Variants in SLC10A1 observed in about 807,000 individuals in gnomAD.
The protein encoded by SLC10A1 is solute carrier family 10 member 1.
Under a neutral mutation model 20.5 loss-of-function variants are expected in SLC10A1, and 36 were observed. The ratio of observed to expected loss-of-function variants is 1.75; its 90% CI spans 1.34 to 2.32. SLC10A1 has a LOEUF of 2.32. SLC10A1 is among the 30% of genes most tolerant of loss of function. The pLI, the probability that SLC10A1 is intolerant of heterozygous loss-of-function variation, is 0.00. For synonymous variants in SLC10A1, 188 were observed against 163.6 expected (o/e 1.15, Z -1.14); for missense variants, 545 against 439.1 (o/e 1.24, Z -2.16).
intron 2 of SLC10A1, among the ~76,000 whole-genome samples, chr14:69,784,885 G>C (rs1883675728): frequency 6.6e-6 from 1 of 152,134 alleles, no homozygotes. Flanking sequence ...GCGGGAAGGG[G>C]AGCTGTGGCC....
chr14:69,777,459 G>A (rs898912086), intron 4 of SLC10A1, among the ~76,000 whole-genome samples: 12 of 152,050 alleles, frequency 7.9e-5, no homozygotes, highest in Admixed American at 1.3e-4. Flanking sequence ...AGGTTTTGAA[G>A]GGGACTTCAA....
chr14:69,783,193 G>A (rs111775517), intron 2 of SLC10A1, among the ~76,000 whole-genome samples: 1 of 152,288 alleles, frequency 6.6e-6, no homozygotes, highest in African/African-American at 2.4e-5. Flanking sequence ...CAGCAGACAG[G>A]ACTTGCCCTT....
intron 2 of SLC10A1, among the ~76,000 whole-genome samples, chr14:69,781,368 A>G (rs1360059609): frequency 6.6e-6 from 1 of 152,234 alleles, no homozygotes; most frequent in South Asian, 2.1e-4. Flanking sequence ...ATGAGTGCTC[A>G]TTCATGGGCA....
chr14:69,776,653 A>G (rs1883455423), intron 4 of SLC10A1, among the ~76,000 whole-genome samples: 1 of 152,208 alleles, frequency 6.6e-6, no homozygotes, highest in Admixed American at 6.5e-5. Context: ...TTCGTTATAC[A>G]GTAAAACAAC....
At chr14:69,792,079 G>A (rs1882285392) in intron 1 of SLC10A1, among the ~76,000 whole-genome samples, 1 of 151,894 alleles carries the variant, frequency 6.6e-6, no homozygotes, top group South Asian at 2.1e-4. Flanking sequence ...AGCCTCCTGA[G>A]TAGCTGGGAT....
At chr14:69,780,788 T>A (rs1050173516) in intron 2 of SLC10A1, among the ~76,000 whole-genome samples, 22 of 152,234 alleles carry the variant, frequency 1.4e-4, no homozygotes, top group African/African-American at 5.1e-4. Flanking sequence ...AATGAACTTC[T>A]CAGTTTACCT....
At chr14:69,776,532 A>G (rs941571854) in intron 4 of SLC10A1, 144 bp from the exon 5 acceptor site, 14 of 647,256 alleles carry the variant, frequency 2.2e-5, no homozygotes, top group Non-Finnish European at 3.7e-5. Context: ...CGTCTCTCCC[A>G]TGGTTTACTC....
In SLC10A1 at chr14:69,775,648, A is replaced by G. The variant is rs1376430622; in HGVS notation, c.*634T>C. The G allele has an allele frequency of 6.6e-6, 1 of 152,174 alleles. No homozygotes were observed. Among genetic ancestry groups the G allele is most frequent in the African/African-American group, 2.4e-5 (1 of 41,438 alleles). The allele number at this position is 152,174 out of a possible 1,614,324, so 9.4% of individuals were successfully genotyped here. ...TTTGTTTCCTGGTTTTTCCTTGTCAAAAGTTTTCCTCCTCTACTAACATGA... is the reference window on the plus strand; with the variant it reads ...TTTGTTTCCTGGTTTTTCCTTGTCAGAAGTTTTCCTCCTCTACTAACATGA... On this transcript the variant is annotated 3_prime_UTR_variant, in exon 5 of 5. Coordinates refer to ENST00000216540, the MANE Select transcript of SLC10A1 (RefSeq NM_003049.4).
At chr14:69,784,248 A>G (rs1264086821) in intron 2 of SLC10A1, among the ~76,000 whole-genome samples, 1 of 152,206 alleles carries the variant, frequency 6.6e-6, no homozygotes, top group Non-Finnish European at 1.5e-5. Flanking sequence ...CAGAGCTTAG[A>G]GTCACTAAAG....
In SLC10A1 at chr14:69,779,258, C is replaced by A; in HGVS notation, c.670G>T (p.Ala224Ser). The change falls in exon 3 of 5, where the codon GCC becomes TCC. Residue 224 changes from alanine (A) to serine (S), a missense_variant. Physicochemically the swap from Ala to Ser is moderately conservative, Grantham distance 99 (BLOSUM62 1). Coordinates refer to ENST00000216540, the MANE Select transcript of SLC10A1 (RefSeq NM_003049.4). ...ATAAAAGGCATCAGGGAGGAGGTGG[C>A]AATCAAGAGTGGTGTCATGGCAAAC... The part of the protein sequence containing the change: ...IMFAMTPLLI[A>S]TSSLMPFIGF... 6.2e-7 allele frequency: 1 copy of A among 1,613,804 alleles called. No individual in the cohort carries two copies. Among genetic ancestry groups the A allele is most frequent in the Non-Finnish European group, 8.5e-7 (1 of 1,179,924 alleles).
At chr14:69,776,468 C>G in intron 4 of SLC10A1, 80 bp from the exon 5 acceptor site, 2 of 1,083,898 alleles carry the variant, frequency 1.8e-6, no homozygotes, top group East Asian at 4.8e-5. Flanking sequence ...CTGGAAAGTA[C>G]AAAAATACCA....
In SLC10A1 at chr14:69,796,098, C is replaced by T. The variant is rs4646287; in HGVS notation, c.356+702G>A. Reference sequence around the variant, plus strand: ...CCCCTGTGTGCTGCGTCTCCAGGAGCGAGCCCTTGCTGATTTCTGCTTATA... The same window carrying T: ...CCCCTGTGTGCTGCGTCTCCAGGAGTGAGCCCTTGCTGATTTCTGCTTATA... On this transcript the variant is annotated intron_variant, in intron 1 of 4. Transcript: ENST00000216540. 4.7e-3 allele frequency among the ~76,000 whole-genome samples: 717 copies of T among 152,288 alleles called. 32 individuals carry two copies. The East Asian group carries it at 0.099, about 21-fold the overall frequency.
intron 1 of SLC10A1, among the ~76,000 whole-genome samples, chr14:69,794,941 G>C (rs1047431724): frequency 6.6e-6 from 1 of 152,196 alleles, no homozygotes; most frequent in East Asian, 1.9e-4. Flanking sequence ...GGCCACTGGC[G>C]ATGGGGCTGG....
At chr14:69,791,294 A>T (rs962591200) in intron 1 of SLC10A1, among the ~76,000 whole-genome samples, 1 of 152,006 alleles carries the variant, frequency 6.6e-6, no homozygotes, top group Non-Finnish European at 1.5e-5. Context: ...GGCTAAGAAT[A>T]GCTAACATGA....
rs201076064 is a variant in SLC10A1, at chr14:69,778,384, G to A, written c.892C>T (p.Leu298Phe). The change falls in exon 4 of 5, where the codon CTT (leucine) becomes TTT (phenylalanine). Residue 298 changes from leucine to phenylalanine, a missense_variant. Transcript: ENST00000216540. ...LYMIFQLGEGLLLIAIFWCYE... is the reference protein window; with the variant it reads ...LYMIFQLGEGFLLIAIFWCYE... ...CACCAAAATATGGCAATGAGGAGAA[G>A]CCCTTCTCCAAGCTGGAAAATCATG... is the stretch of plus-strand genomic sequence containing the variant. 3.7e-5 allele frequency: 59 copies of A among 1,613,708 alleles called. 1 individual carries two copies. In the Middle Eastern group the frequency reaches 1.7e-3, roughly 45 times the overall value.
In SLC10A1 at chr14:69,778,460, C is replaced by A. The variant is rs1883503800; in HGVS notation, c.816G>T (p.Val272=). The change falls in exon 4 of 5, where the codon GTG becomes GTT. Residue 272 remains valine, a synonymous_variant. Transcript: ENST00000216540. ...GTCCAATGACTTCAGGTGGAAAGGC[C>A]ACATTGAGGATGGTGGAACAGAGTT... ...NVQLCSTILN[V]AFPPEVIGPL... 1 of 1,613,886 alleles carries A rather than the reference C, an allele frequency of 6.2e-7. No homozygotes were observed. The highest frequency in any genetic ancestry group is 2.2e-5 in the East Asian group (1 of 44,860).
chr14:69,779,603 G>A (rs878956630), intron 2 of SLC10A1, among the ~76,000 whole-genome samples: 13 of 152,084 alleles, frequency 8.5e-5, no homozygotes, highest in South Asian at 4.1e-4. Flanking sequence ...GACTCTTAGC[G>A]GTCCTCCTGC....
chr14:69,778,630 A>G, intron 3 of SLC10A1, 101 bp from the exon 4 acceptor site: 2 of 1,029,540 alleles, frequency 1.9e-6, no homozygotes, highest in Non-Finnish European at 2.8e-6. Flanking sequence ...GATGGAATCT[A>G]GACCCTGGAC....
At chr14:69,793,712 C>T (rs1418612370) in intron 1 of SLC10A1, among the ~76,000 whole-genome samples, 1 of 152,130 alleles carries the variant, frequency 6.6e-6, no homozygotes. Flanking sequence ...GCCATTGGCT[C>T]TGGGCTCTGC....
Sources: allele counts gnomAD v4.1 joint callset (sites outside exome capture counted in the v4.1 genomes callset), GRCh38; gene constraint gnomAD v4.1.1; transcripts MANE v1.5; gene names NCBI Gene and HGNC (gene_info 2026-07-23, HGNC 2026-07-21).